The following EPHA4 variants were observed in gnomAD, a reference collection of about 807,000 sequenced individuals.
EPHA4 encodes ephrin type-A receptor 4.
EPHA4 carries 19 observed loss-of-function variants against 108.3 expected under a neutral mutation model. The ratio of observed to expected loss-of-function variants is 0.18; its 90% CI spans 0.12 to 0.26. The LOEUF (loss-of-function observed/expected upper bound fraction) is 0.26. EPHA4 is among the 10% of genes least tolerant of loss of function. The pLI, the probability that EPHA4 is intolerant of heterozygous loss-of-function variation, is 1.00. For missense variants in EPHA4, 917 were observed against 1,254.0 expected (o/e 0.73, Z 4.06); for synonymous variants, 449 against 455.5 (o/e 0.99, Z 0.18).
At chr2:221,445,640 C>G (rs1443505827) in intron 9 of EPHA4, among the ~76,000 whole-genome samples, 2 of 151,030 alleles carry the variant, frequency 1.3e-5, no homozygotes, top group African/African-American at 4.9e-5. Flanking sequence ...CACTCTAGAG[C>G]CACTTTTAAT....
At chr2:221,563,419 G>A (rs556145919) in intron 3 of EPHA4, among the ~76,000 whole-genome samples, 2 of 152,326 alleles carry the variant, frequency 1.3e-5, no homozygotes, top group East Asian at 3.9e-4. Context: ...CTTTAAGTAA[G>A]GATCAATCAA....
At chr2:221,437,008 A>C in intron 12 of EPHA4, 53 bp downstream of exon 12, 11 of 1,320,972 alleles carry the variant, frequency 8.3e-6, no homozygotes, top group Non-Finnish European at 1.1e-5. Flanking sequence ...GGACTCTGTT[A>C]GGAGTTTTCT....
chr2:221,464,344 T>C (rs533154483), intron 5 of EPHA4, among the ~76,000 whole-genome samples: 1 of 152,354 alleles, frequency 6.6e-6, no homozygotes, highest in East Asian at 1.9e-4. Flanking sequence ...CCAGCTCTGA[T>C]TTGCTTCTTA....
intron 3 of EPHA4, among the ~76,000 whole-genome samples, chr2:221,537,022 CA>C: frequency 6.6e-6 from 1 of 152,290 alleles, no homozygotes; most frequent in Non-Finnish European, 1.5e-5. Context: ...AAGGCTAAAA[CA>C]AAGAGAGAGA....
At chr2:221,469,812 G>A (rs773888052) in intron 5 of EPHA4, among the ~76,000 whole-genome samples, 7 of 152,082 alleles carry the variant, frequency 4.6e-5, no homozygotes, top group Non-Finnish European at 7.4e-5. Flanking sequence ...AAGACAGAAA[G>A]GTCCAGAATC....
chr2:221,478,709 C>T (rs1272780832), intron 5 of EPHA4, among the ~76,000 whole-genome samples: 1 of 152,132 alleles, frequency 6.6e-6, no homozygotes, highest in Non-Finnish European at 1.5e-5. Flanking sequence ...CAGCTCCACC[C>T]ACTCTCAGAC....
intron 3 of EPHA4, among the ~76,000 whole-genome samples, chr2:221,538,930 C>T (rs567202141): frequency 2.0e-5 from 3 of 152,230 alleles, no homozygotes; most frequent in African/African-American, 7.2e-5. Flanking sequence ...GTTTTAGGTG[C>T]TATAGTGAAT....
At chr2:221,525,519 C>T (rs374545305) in intron 3 of EPHA4, among the ~76,000 whole-genome samples, 12 of 152,102 alleles carry the variant, frequency 7.9e-5, no homozygotes, top group African/African-American at 2.2e-4. Flanking sequence ...GGAGGACGAA[C>T]GACTCAGTGG....
intron 3 of EPHA4, among the ~76,000 whole-genome samples, chr2:221,546,658 G>C (rs945939764): frequency 6.6e-6 from 1 of 152,132 alleles, no homozygotes; most frequent in African/African-American, 2.4e-5. Flanking sequence ...CTATGGCTTA[G>C]AAGAGGCTTT....
At chr2:221,468,246 C>G (rs138783116) in intron 5 of EPHA4, among the ~76,000 whole-genome samples, 1 of 150,974 alleles carries the variant, frequency 6.6e-6, no homozygotes, top group Admixed American at 6.6e-5. Context: ...AAAAAAAAGG[C>G]CCCCCAAAAT....
intron 15 of EPHA4, 132 bp from the exon 16 acceptor site, chr2:221,426,751 G>C: frequency 1.3e-6 from 1 of 782,476 alleles, no homozygotes; most frequent in Non-Finnish European, 2.0e-6. Context: ...AACAATTGTT[G>C]TTAAATGTAA....
At position 221,563,960 on chromosome 2, in the gene EPHA4, A is replaced by G; in HGVS notation, c.594T>C (p.Arg198=). 1 of 1,614,108 alleles carries G rather than the reference A, an allele frequency of 6.2e-7. No homozygotes were observed. Among genetic ancestry groups the G allele is most frequent in the Non-Finnish European group, 8.5e-7 (1 of 1,180,032 alleles). ...VGACIALVSV[R]VFYKKCPLTV... ...TGAGTGGACACTTTTTATAGAACAC[A>G]CGGACTGATACCAGGGCGATGCAGG... Residue 198 remains arginine, a synonymous_variant, in exon 3 of 18, where the codon CGT becomes CGC. Coordinates refer to ENST00000281821, the MANE Select transcript of EPHA4 (RefSeq NM_004438.5).
At chr2:221,540,195 C>T (rs778587279) in intron 3 of EPHA4, among the ~76,000 whole-genome samples, 1 of 152,208 alleles carries the variant, frequency 6.6e-6, no homozygotes, top group Non-Finnish European at 1.5e-5. Flanking sequence ...GCTGAGATTA[C>T]AGGCAGGAGC....
chr2:221,572,145 GTCCCGC>G lies in EPHA4; in HGVS notation c.91+7_91+12del. On this transcript the variant is annotated splice_region_variant and intron_variant, in intron 1 of 17. Transcript: ENST00000281821. Reference sequence around the variant, plus strand: ...CGCTGTCCCCGACCACAGAAAGGCCGTCCCGCTCTTACCTTCATTCGCGGGGTATAC... The same window carrying G: ...CGCTGTCCCCGACCACAGAAAGGCCGTCTTACCTTCATTCGCGGGGTATAC... The G allele has an allele frequency of 6.2e-7, 1 of 1,610,962 alleles. No individual in the cohort carries two copies. The highest frequency in any genetic ancestry group is 8.5e-7 in the Non-Finnish European group (1 of 1,177,304).
At chr2:221,445,706 C>T (rs2106108519) in intron 9 of EPHA4, among the ~76,000 whole-genome samples, 1 of 151,726 alleles carries the variant, frequency 6.6e-6, no homozygotes, top group Admixed American at 6.6e-5. Context: ...AATTTATTGA[C>T]AGTCACTAAT....
rs372113831 is a variant in EPHA4, at chr2:221,418,704, CG to C, written c.*2667del. On this transcript the variant is annotated 3_prime_UTR_variant, in exon 18 of 18. Coordinates refer to ENST00000281821, the MANE Select transcript of EPHA4 (RefSeq NM_004438.5). The stretch of plus-strand genomic sequence containing the variant: ...GGTGAAGCTACTTGATTTGGTGCAG[CG>C]GGGTAGTTTCCCACTGCTCTAGAGA... 32 of 152,478 alleles carry C rather than the reference CG, an allele frequency of 2.1e-4. No homozygotes were observed. Among genetic ancestry groups the C allele is most frequent in the Middle Eastern group, 3.4e-3 (1 of 294 alleles). 9.4% of individuals were successfully genotyped at this position (152,478 alleles called of 1,614,324 possible). A position where few individuals can be genotyped will look rare whatever the true frequency, so the allele number is the denominator to read the frequency against.
At chr2:221,456,585 G>A (rs1574578663) in intron 7 of EPHA4, 28 bp downstream of exon 7, 1 of 1,609,776 alleles carries the variant, frequency 6.2e-7, no homozygotes, top group Non-Finnish European at 8.5e-7. Flanking sequence ...AGCCTCAGAA[G>A]TGACTGAGTC....
In EPHA4 at chr2:221,425,365, C is replaced by T. The variant is rs1689866953; in HGVS notation, c.*663G>A. On this transcript the variant is annotated 3_prime_UTR_variant, in exon 17 of 18. Transcript: ENST00000281821. ...CAGCCTCAGGCCCAAAGAAACAGAC[C>T]TCATTTGTCCAGTTAGGGGTTATGG... 1 of 152,608 alleles carries T rather than the reference C, an allele frequency of 6.6e-6. No homozygotes were observed. The highest frequency in any genetic ancestry group is 6.5e-5 in the Admixed American group (1 of 15,276). 9.5% of individuals were successfully genotyped at this position (152,608 alleles called of 1,614,324 possible). A position where few individuals can be genotyped will look rare whatever the true frequency, so the allele number is the denominator to read the frequency against.
At chr2:221,566,866 A>AGAAGG (rs1694655614) in intron 2 of EPHA4, among the ~76,000 whole-genome samples, 1 of 45,534 alleles carries the variant, frequency 2.2e-5, no homozygotes, top group East Asian at 8.6e-4. Context: ...GAAGAAGAAG[A>AGAAGG]AGAAGAAGAA....
Sources: gnomAD v4.1 joint callset for allele counts (sites outside exome capture counted in the v4.1 genomes callset) on GRCh38, gnomAD v4.1.1 for gene constraint, MANE v1.5 for transcripts, NCBI Gene and HGNC (gene_info 2026-07-23, HGNC 2026-07-21) for gene names.